Variants in PCSK2 observed in about 807,000 individuals in gnomAD.
PCSK2 encodes the protein proprotein convertase subtilisin/kexin type 2, also known as neuroendocrine convertase 2.
In PCSK2, 14 loss-of-function variants were observed where a neutral mutation model predicts 69.7. That is an observed-to-expected ratio of 0.20 (90% CI 0.13 to 0.31). PCSK2 has a LOEUF of 0.31. Among genes scored for constraint, PCSK2 ranks in the 10% least tolerant of loss-of-function variants. The probability of loss-of-function intolerance (pLI) is 1.00; values close to 1 mark genes in which losing one functional copy is unlikely to be tolerated. For synonymous variants in PCSK2, 307 were observed against 320.7 expected, an observed-to-expected ratio of 0.96 and a Z score of 0.46; for missense variants, 544 against 842.5, an observed-to-expected ratio of 0.65 and a Z score of 4.39.
At chr20:17,366,698 T>C (rs2030602014) in intron 4 of PCSK2, among the ~76,000 whole-genome samples, 1 of 152,226 alleles carries the variant, frequency 6.6e-6, no homozygotes. Flanking sequence ...CGAATCATGT[T>C]TGTTGTCCTT....
At chr20:17,234,629 C>T (rs1372156829) in intron 1 of PCSK2, among the ~76,000 whole-genome samples, 1 of 152,108 alleles carries the variant, frequency 6.6e-6, no homozygotes, top group East Asian at 1.9e-4. Flanking sequence ...ACAACCTGAT[C>T]AAAATCCAAA....
In PCSK2 at chr20:17,370,047, C is replaced by T. The variant is rs138093464; in HGVS notation, c.543+770C>T. ...CTAACTTTTGACTCAGCAGTTCACA[C>T]GCTGCTTTCCTGATGAAGCCCACAA... On this transcript the variant is annotated intron_variant, in intron 5 of 11. Transcript: ENST00000262545. Among the ~76,000 whole-genome samples, 84 of 152,324 alleles carry T rather than the reference C, an allele frequency of 5.5e-4. 1 individual carries two copies. In the East Asian group the frequency reaches 0.013, roughly 24 times the overall value.
At chr20:17,382,355 G>T (rs4814616) in intron 5 of PCSK2, among the ~76,000 whole-genome samples, 26,553 of 152,064 alleles carry the variant, frequency 0.17, 3,249 homozygotes, top group East Asian at 0.49. Context: ...TGTCATAGAC[G>T]GGAAACTGAA....
intron 2 of PCSK2, among the ~76,000 whole-genome samples, chr20:17,261,302 A>G (rs1987375210): frequency 6.6e-6 from 1 of 152,194 alleles, no homozygotes; most frequent in Non-Finnish European, 1.5e-5. Context: ...TGAGTTAAGG[A>G]CTTTCACATG....
intron 8 of PCSK2, among the ~76,000 whole-genome samples, chr20:17,449,986 T>G (rs1418477888): frequency 4.8e-5 from 6 of 125,224 alleles, no homozygotes; most frequent in Non-Finnish European, 8.6e-5. Flanking sequence ...TTCCTTAGCT[T>G]TTTTTTTTTT....
chr20:17,454,791 A>G (rs1452707889), intron 9 of PCSK2, among the ~76,000 whole-genome samples: 6 of 152,178 alleles, frequency 3.9e-5, no homozygotes, highest in Admixed American at 1.3e-4. Context: ...AGACAGGAGG[A>G]CAGGAGCTCA....
chr20:17,286,302 T>G (rs1221437125), intron 2 of PCSK2, among the ~76,000 whole-genome samples: 2 of 152,184 alleles, frequency 1.3e-5, no homozygotes, highest in Non-Finnish European at 2.9e-5. Context: ...TAATAGTGTA[T>G]AACAAAACCC....
intron 2 of PCSK2, among the ~76,000 whole-genome samples, chr20:17,335,475 TTTTA>T (rs1304243725): frequency 9.0e-5 from 9 of 99,700 alleles, no homozygotes; most frequent in African/African-American, 2.8e-4. Flanking sequence ...CTTGTCTAGT[TTTTA>T]TTTGTTTGCT....
At chr20:17,477,715 A>G (rs1378786256) in intron 11 of PCSK2, among the ~76,000 whole-genome samples, 1 of 152,200 alleles carries the variant, frequency 6.6e-6, no homozygotes, top group Non-Finnish European at 1.5e-5. Flanking sequence ...TGTTAATATT[A>G]ACACTAAGTT....
At chr20:17,347,835 A>T in intron 2 of PCSK2, among the ~76,000 whole-genome samples, 1 of 146,430 alleles carries the variant, frequency 6.8e-6, no homozygotes, top group Admixed American at 6.9e-5. Flanking sequence ...AAAGAAAGAA[A>T]GAAAGAAAGA....
chr20:17,474,906 C>T (rs1261810338), intron 11 of PCSK2, among the ~76,000 whole-genome samples: 1 of 152,116 alleles, frequency 6.6e-6, no homozygotes, highest in Non-Finnish European at 1.5e-5. Flanking sequence ...TAAATATAGT[C>T]AATAGTCCTC....
chr20:17,281,254 T>G (rs1357603920), intron 2 of PCSK2, among the ~76,000 whole-genome samples: 1 of 152,240 alleles, frequency 6.6e-6, no homozygotes, highest in African/African-American at 2.4e-5. Context: ...GCTTCTCCCT[T>G]ATCGACAATG....
intron 2 of PCSK2, among the ~76,000 whole-genome samples, chr20:17,306,877 G>C (rs1331201469): frequency 6.6e-6 from 1 of 152,138 alleles, no homozygotes; most frequent in African/African-American, 2.4e-5. Flanking sequence ...AGTTTCTCTT[G>C]AAACTATATT....
chr20:17,446,442 T>A lies in PCSK2; in HGVS notation c.886-7300T>A, dbSNP rs1366969199. On this transcript the variant is annotated intron_variant, in intron 8 of 11. Coordinates refer to ENST00000262545, the MANE Select transcript of PCSK2 (RefSeq NM_002594.5). ...AAACTACAAAGGATACCATCTATCA[T>A]CACTCCCACTCACAACTCATTGATT... is the stretch of plus-strand genomic sequence containing the variant. 2.0e-5 allele frequency among the ~76,000 whole-genome samples: 3 copies of A among 152,150 alleles called. No homozygotes were observed. The East Asian group carries it at 5.8e-4, about 29-fold the overall frequency.
chr20:17,470,894 C>T lies in PCSK2; in HGVS notation c.1430+5341C>T, dbSNP rs572618686. 4.7e-5 allele frequency among the ~76,000 whole-genome samples: 7 copies of T among 150,366 alleles called. No homozygotes were observed. The South Asian group carries it at 1.1e-3, about 23-fold the overall frequency. ...TCCCTCACAGGCAGTGCAACTGGCACGATATCTACACTTACTTGCATATAA... is the reference window on the plus strand; with the variant it reads ...TCCCTCACAGGCAGTGCAACTGGCATGATATCTACACTTACTTGCATATAA... On this transcript the variant is annotated intron_variant, in intron 11 of 11. Transcript: ENST00000262545.
At chr20:17,476,250 C>G (rs1370576384) in intron 11 of PCSK2, among the ~76,000 whole-genome samples, 1 of 152,218 alleles carries the variant, frequency 6.6e-6, no homozygotes, top group Non-Finnish European at 1.5e-5. Flanking sequence ...AAGAGACTCT[C>G]TGCCTGTTGT....
chr20:17,482,122 C>A lies in PCSK2; in HGVS notation c.*52C>A, dbSNP rs767441639. ...CCTCCCTCCCCAGCTCCGCCTCTGT[C>A]CTCGCTCCACGTTTCAGGCAGGCAC... On this transcript the variant is annotated 3_prime_UTR_variant, in exon 12 of 12. Transcript: ENST00000262545. 2 of 1,498,204 alleles carry A rather than the reference C, an allele frequency of 1.3e-6. No homozygotes were observed. The highest frequency in any genetic ancestry group is 8.9e-7 in the Non-Finnish European group (1 of 1,127,510). 92.8% of individuals were successfully genotyped at this position (1,498,204 alleles called of 1,614,324 possible). A position where few individuals can be genotyped will look rare whatever the true frequency, so the allele number is the denominator to read the frequency against.
intron 1 of PCSK2, among the ~76,000 whole-genome samples, chr20:17,248,134 C>T (rs1031845208): frequency 4.6e-5 from 7 of 151,022 alleles, no homozygotes; most frequent in Non-Finnish European, 1.0e-4. Flanking sequence ...TGGAACCATG[C>T]ATATTTTGCC....
chr20:17,345,542 A>G (rs572623816), intron 2 of PCSK2, among the ~76,000 whole-genome samples: 38 of 152,318 alleles, frequency 2.5e-4, no homozygotes, highest in African/African-American at 8.9e-4. Context: ...CAGTGTATAA[A>G]CAAATGGGCA....
Sources: allele counts gnomAD v4.1 joint callset (sites outside exome capture counted in the v4.1 genomes callset), GRCh38; gene constraint gnomAD v4.1.1; transcripts MANE v1.5; gene names NCBI Gene and HGNC (gene_info 2026-07-23, HGNC 2026-07-21).